TMEM178B: variants seen among roughly 807,000 people sequenced by gnomAD.
The protein encoded by TMEM178B is transmembrane protein 178B.
TMEM178B carries 5 observed loss-of-function variants against 31.0 expected under a neutral mutation model. That is an observed-to-expected ratio of 0.16 (90% CI 0.08 to 0.34). The LOEUF (loss-of-function observed/expected upper bound fraction) is 0.34, where lower values mean the gene tolerates loss of function less well. Ranked by LOEUF, TMEM178B falls within the 10% of genes least tolerant of loss-of-function variation. The pLI, the probability that TMEM178B is intolerant of heterozygous loss-of-function variation, is 1.00. For synonymous variants in TMEM178B, 164 were observed against 164.0 expected, an observed-to-expected ratio of 1.00 and a Z score of 0.00; for missense variants, 275 against 400.3, an observed-to-expected ratio of 0.69 and a Z score of 2.67.
At chr7:141,296,074 CTTT>C (rs139584498) in intron 2 of TMEM178B, among the ~76,000 whole-genome samples, 1 of 146,198 alleles carries the variant, frequency 6.8e-6, no homozygotes, top group African/African-American at 2.5e-5. Context: ...GGAAGCAGTA[CTTT>C]TTTTTTTTTT....
chr7:141,249,663 T>C (rs1297044544), intron 2 of TMEM178B, among the ~76,000 whole-genome samples: 2 of 110,772 alleles, frequency 1.8e-5, no homozygotes, highest in East Asian at 5.8e-4. Context: ...GGGGCTCATG[T>C]GCCTGGCCAA....
chr7:141,328,908 G>A (rs925143309), intron 2 of TMEM178B, among the ~76,000 whole-genome samples: 1 of 148,952 alleles, frequency 6.7e-6, no homozygotes, highest in South Asian at 2.1e-4. Context: ...ATAGCTCAAG[G>A]TGACTTAGGT....
intron 1 of TMEM178B, among the ~76,000 whole-genome samples, chr7:141,139,662 T>TTTTATG (rs756091078): frequency 6.6e-6 from 1 of 152,112 alleles, no homozygotes; most frequent in Non-Finnish European, 1.5e-5. Context: ...TTTTATGAAA[T>TTTTATG]GAATGATTGT....
rs530249710 is a variant in TMEM178B, at chr7:141,136,697, C to T, written c.382+62005C>T. ...CAGAAAAACAAAACAAAACAAAAAG[C>T]CCAATCCCATTAAAAAGTGGGCAAT... On this transcript the variant is annotated intron_variant, in intron 1 of 3. Coordinates refer to ENST00000565468, the MANE Select transcript of TMEM178B (RefSeq NM_001195278.2). Among the ~76,000 whole-genome samples, 7 of 152,054 alleles carry T rather than the reference C, an allele frequency of 4.6e-5. No individual in the cohort carries two copies. The South Asian group carries it at 1.5e-3, about 32-fold the overall frequency.
intron 2 of TMEM178B, among the ~76,000 whole-genome samples, chr7:141,397,896 G>A (rs749073969): frequency 2.0e-5 from 3 of 152,164 alleles, no homozygotes; most frequent in Non-Finnish European, 2.9e-5. Flanking sequence ...AGTAGTTATC[G>A]GGCAAATGGG....
At chr7:141,339,679 A>ATG (rs1799484177) in intron 2 of TMEM178B, among the ~76,000 whole-genome samples, 1 of 152,244 alleles carries the variant, frequency 6.6e-6, no homozygotes, top group East Asian at 1.9e-4. Context: ...CTTCAAGGAT[A>ATG]TGTGGCCTTT....
chr7:141,074,129 C>G lies in TMEM178B; in HGVS notation c.-182C>G. 1 of 870,902 alleles carries G rather than the reference C, an allele frequency of 1.1e-6. No homozygotes were observed. The highest frequency in any genetic ancestry group is 3.1e-5 in the East Asian group (1 of 31,968). 53.9% of individuals were successfully genotyped at this position (870,902 alleles called of 1,614,324 possible). The stretch of plus-strand genomic sequence containing the variant: ...CCGGATCAGAACTTTTTAGGCCGCC[C>G]GCCCCCATCCCCGCAGTCCCCGGGC... On this transcript the variant is annotated 5_prime_UTR_variant, in exon 1 of 4. Transcript: ENST00000565468. The surrounding 1 kb of genome is among the most constrained non-coding windows in gnomAD (Gnocchi z 5.1).
At chr7:141,390,469 T>A (rs1800514479) in intron 2 of TMEM178B, among the ~76,000 whole-genome samples, 1 of 152,128 alleles carries the variant, frequency 6.6e-6, no homozygotes, top group South Asian at 2.1e-4. Flanking sequence ...ATCAAGTGAG[T>A]TTTACTGGTT....
the TMEM178B span, among the ~76,000 whole-genome samples, chr7:141,494,761 A>G: frequency 6.6e-6 from 1 of 152,184 alleles, no homozygotes; most frequent in African/African-American, 2.4e-5. Flanking sequence ...CAAAAAAATT[A>G]TGTTAATTAT....
intron 2 of TMEM178B, among the ~76,000 whole-genome samples, chr7:141,314,672 G>A (rs1435775625): frequency 3.3e-5 from 5 of 151,990 alleles, no homozygotes; most frequent in Admixed American, 2.6e-4. Context: ...TGCTCCTCTG[G>A]CCATAGGTCA....
intron 2 of TMEM178B, among the ~76,000 whole-genome samples, chr7:141,376,852 C>T (rs775556297): frequency 6.6e-6 from 1 of 151,908 alleles, no homozygotes; most frequent in Non-Finnish European, 1.5e-5. Flanking sequence ...ATAAAATCAT[C>T]CTTGATTAGA....
At chr7:141,429,461 C>CT (rs1176991490) in intron 2 of TMEM178B, among the ~76,000 whole-genome samples, 1 of 152,162 alleles carries the variant, frequency 6.6e-6, no homozygotes, top group Non-Finnish European at 1.5e-5. Flanking sequence ...ACTGCATGAT[C>CT]TCACTCATAT....
At chr7:141,455,840 G>T (rs1013326840) in intron 3 of TMEM178B, among the ~76,000 whole-genome samples, 22 of 152,232 alleles carry the variant, frequency 1.4e-4, no homozygotes, top group African/African-American at 5.3e-4. Flanking sequence ...TGACAAATGT[G>T]CTGGGCATAT....
intron 1 of TMEM178B, among the ~76,000 whole-genome samples, chr7:141,204,735 C>A (rs1796934962): frequency 6.6e-6 from 1 of 152,180 alleles, no homozygotes; most frequent in African/African-American, 2.4e-5. Flanking sequence ...AAATAGCAGG[C>A]CTTGATATCT....
chr7:141,319,955 T>C (rs1251562837), intron 2 of TMEM178B, among the ~76,000 whole-genome samples: 1 of 152,208 alleles, frequency 6.6e-6, no homozygotes, highest in Non-Finnish European at 1.5e-5. Flanking sequence ...ATGGTTTGGC[T>C]CTGTGTCCTC....
At chr7:141,275,479 G>A (rs867019736) in intron 2 of TMEM178B, among the ~76,000 whole-genome samples, 5 of 152,156 alleles carry the variant, frequency 3.3e-5, no homozygotes, top group Admixed American at 6.5e-5. Context: ...GGGCACTGAT[G>A]TCCAGCCTCT....
chr7:141,255,769 G>A (rs1189198163), intron 2 of TMEM178B, among the ~76,000 whole-genome samples: 1 of 151,930 alleles, frequency 6.6e-6, no homozygotes. Context: ...TGCCCAGGCT[G>A]GTCTCAAACT....
Position 141,119,595 on chromosome 7 carries a change from A to G in TMEM178B, c.382+44903A>G, listed in dbSNP as rs149912576. Among the ~76,000 whole-genome samples, 55 of 152,318 alleles carry G rather than the reference A, an allele frequency of 3.6e-4. No homozygotes were observed. In the East Asian group the frequency reaches 0.01, roughly 28 times the overall value. Reference sequence around the variant, plus strand: ...GGTGGCACTCAGCGCATCTTTATGAACATGCTTTGATGTATTTTGCAGGTA... The same window carrying G: ...GGTGGCACTCAGCGCATCTTTATGAGCATGCTTTGATGTATTTTGCAGGTA... On this transcript the variant is annotated intron_variant, in intron 1 of 3. Coordinates refer to ENST00000565468, the MANE Select transcript of TMEM178B (RefSeq NM_001195278.2).
chr7:141,505,399 C>T, the TMEM178B span, among the ~76,000 whole-genome samples: 48 of 152,344 alleles, frequency 3.2e-4, no homozygotes, highest in Middle Eastern at 3.4e-3. Flanking sequence ...GTTTTCATAT[C>T]TGCTCCCCTG....
Sources: allele counts gnomAD v4.1 joint callset (sites outside exome capture counted in the v4.1 genomes callset), GRCh38; gene constraint gnomAD v4.1.1; non-coding constraint Gnocchi (gnomAD v3.1); transcripts MANE v1.5; gene names NCBI Gene and HGNC (gene_info 2026-07-23, HGNC 2026-07-21).